Variants in DIAPH3 observed in about 807,000 individuals in gnomAD.
The protein encoded by DIAPH3 is diaphanous related formin 3, also known as protein diaphanous homolog 3.
In DIAPH3, 117 loss-of-function variants were observed where a neutral mutation model predicts 144.3. The observed-to-expected ratio is 0.81, with a 90% CI of 0.70 to 0.95. DIAPH3 has a LOEUF of 0.95. Ranked by LOEUF, DIAPH3 falls within the 40% of genes least tolerant of loss-of-function variation. DIAPH3 has a pLI of 0.00. For synonymous variants in DIAPH3, 519 were observed against 488.9 expected (o/e 1.06, Z -0.81); for missense variants, 1,421 against 1,412.7 (o/e 1.01, Z -0.09).
chr13:60,052,164 G>A (rs2056376439), intron 4 of DIAPH3, among the ~76,000 whole-genome samples: 1 of 152,002 alleles, frequency 6.6e-6, no homozygotes, highest in African/African-American at 2.4e-5. Context: ...AAGTATATAA[G>A]GAGAGAAGTA....
At chr13:59,749,690 T>G (rs1261265063) in intron 27 of DIAPH3, among the ~76,000 whole-genome samples, 3 of 151,818 alleles carry the variant, frequency 2.0e-5, no homozygotes, top group African/African-American at 7.3e-5. Context: ...ATATAATATT[T>G]TAAAAATAGT....
At chr13:59,928,582 G>C (rs965202200) in intron 17 of DIAPH3, among the ~76,000 whole-genome samples, 1 of 152,274 alleles carries the variant, frequency 6.6e-6, no homozygotes, top group East Asian at 1.9e-4. Flanking sequence ...CGATTAAGTA[G>C]AGTGTTTGGA....
At position 60,047,098 on chromosome 13, in the gene DIAPH3, CT is replaced by C. The variant is rs1423992342; in HGVS notation, c.496-4279del. The stretch of plus-strand genomic sequence containing the variant: ...ATGTAACAAACTTGCACGTTCTGCA[CT>C]TGTATCCCAGAAATTAAAGTATTAT... On this transcript the variant is annotated intron_variant, in intron 4 of 27. Transcript: ENST00000400324. Among the ~76,000 whole-genome samples the C allele has an allele frequency of 2.1e-4, 32 of 152,080 alleles. No homozygotes were observed. In the East Asian group the frequency reaches 5.2e-3, roughly 25 times the overall value.
intron 2 of DIAPH3, among the ~76,000 whole-genome samples, chr13:60,118,847 A>AAAT (rs1467951067): frequency 6.6e-6 from 1 of 152,240 alleles, no homozygotes; most frequent in Admixed American, 6.5e-5. Flanking sequence ...TAAAAGGCTG[A>AAAT]AATGCCTTCC....
At chr13:59,689,569 C>G (rs972219476) in intron 27 of DIAPH3, among the ~76,000 whole-genome samples, 2 of 151,960 alleles carry the variant, frequency 1.3e-5, no homozygotes, top group African/African-American at 4.8e-5. Context: ...CTTTCTTCTT[C>G]ATGGAAGAAA....
chr13:59,991,896 A>G (rs1471611370), intron 11 of DIAPH3, among the ~76,000 whole-genome samples, 172 bp downstream of exon 11: 1 of 152,054 alleles, frequency 6.6e-6, no homozygotes, highest in East Asian at 1.9e-4. Flanking sequence ...GCTTACATAT[A>G]TGTGTATTCA....
chr13:59,775,648 C>T (rs2038375287), intron 25 of DIAPH3, among the ~76,000 whole-genome samples: 1 of 152,040 alleles, frequency 6.6e-6, no homozygotes, highest in Non-Finnish European at 1.5e-5. Context: ...TCCATGCTTC[C>T]AACAATTGAT....
At chr13:60,024,494 AT>A (rs967770043) in intron 5 of DIAPH3, among the ~76,000 whole-genome samples, 31 of 151,708 alleles carry the variant, frequency 2.0e-4, no homozygotes, top group Non-Finnish European at 3.4e-4. Context: ...GAGACTTTCT[AT>A]TTTTTTTCTT....
At chr13:60,017,206 CCA>C (rs2053711338) in intron 5 of DIAPH3, among the ~76,000 whole-genome samples, 1 of 151,868 alleles carries the variant, frequency 6.6e-6, no homozygotes, top group African/African-American at 2.4e-5. Context: ...GAGTTCGAGA[CCA>C]GCCTGACCAA....
intron 23 of DIAPH3, among the ~76,000 whole-genome samples, chr13:59,836,842 G>A (rs2042066962): frequency 6.6e-6 from 1 of 151,836 alleles, no homozygotes; most frequent in Non-Finnish European, 1.5e-5. Context: ...CAAAGTTTAA[G>A]TGGTTAATAA....
intron 2 of DIAPH3, among the ~76,000 whole-genome samples, chr13:60,129,599 C>G (rs1333249385): frequency 3.9e-5 from 6 of 152,166 alleles, no homozygotes; most frequent in Non-Finnish European, 8.8e-5. Context: ...TTCTAAAATA[C>G]TGTTATTCAA....
chr13:59,841,430 A>T (rs1013251292), intron 22 of DIAPH3, among the ~76,000 whole-genome samples: 3 of 151,888 alleles, frequency 2.0e-5, no homozygotes, highest in Non-Finnish European at 4.4e-5. Flanking sequence ...GCCTCCAAAA[A>T]TTAAAAAAAA....
chr13:60,070,070 A>G (rs1002587089), intron 4 of DIAPH3, among the ~76,000 whole-genome samples: 1 of 152,140 alleles, frequency 6.6e-6, no homozygotes, highest in Non-Finnish European at 1.5e-5. Context: ...TGCTTTGGGC[A>G]GTATGGCCAT....
intron 4 of DIAPH3, among the ~76,000 whole-genome samples, chr13:60,052,959 T>TAAAAAAAAAAAAAAAAGAAAAAAAAAAA (rs2056409580): frequency 2.5e-5 from 1 of 40,660 alleles, no homozygotes; most frequent in Non-Finnish European, 4.0e-5. Flanking sequence ...GACTCCCTCT[T>TAAAAAAAAAAAAAAAAGAAAAAAAAAAA]AAAAAAAAAA....
intron 5 of DIAPH3, among the ~76,000 whole-genome samples, chr13:60,033,108 A>G (rs2054926655): frequency 1.3e-5 from 2 of 152,204 alleles, no homozygotes; most frequent in African/African-American, 2.4e-5. Flanking sequence ...CTGGTTCCCA[A>G]TAAGTTCCTC....
At chr13:60,037,170 A>G (rs2055290765) in intron 5 of DIAPH3, among the ~76,000 whole-genome samples, 1 of 152,088 alleles carries the variant, frequency 6.6e-6, no homozygotes, top group Non-Finnish European at 1.5e-5. Context: ...GGTCAACCTG[A>G]TTAAATATCA....
At chr13:59,897,816 A>G (rs761931830) in intron 20 of DIAPH3, among the ~76,000 whole-genome samples, 1 of 151,792 alleles carries the variant, frequency 6.6e-6, no homozygotes, top group Non-Finnish European at 1.5e-5. Context: ...ATAGATGAGA[A>G]GAAAAAAGTG....
At chr13:59,916,022 C>T (rs2047200216) in intron 19 of DIAPH3, 133 bp downstream of exon 19, 1 of 766,090 alleles carries the variant, frequency 1.3e-6, no homozygotes, top group African/African-American at 1.7e-5. Context: ...AGAAGTTATG[C>T]TAAAACTAAT....
At chr13:60,093,768 CTAAG>C (rs1356762465) in intron 3 of DIAPH3, 36 bp from the exon 4 acceptor site, 1 of 1,356,294 alleles carries the variant, frequency 7.4e-7, no homozygotes, top group Non-Finnish European at 1.1e-6. Flanking sequence ...ATTTTAGAAT[CTAAG>C]TAGAGCAGCA....
Sources: allele counts gnomAD v4.1 joint callset (sites outside exome capture counted in the v4.1 genomes callset), GRCh38; gene constraint gnomAD v4.1.1; transcripts MANE v1.5; gene names NCBI Gene and HGNC (gene_info 2026-07-23, HGNC 2026-07-21).